ZFP14: variants seen among roughly 807,000 people sequenced by gnomAD.
ZFP14 encodes the protein ZFP14 zinc finger protein, also known as zinc finger protein 14 homolog.
A neutral mutation model predicts 54.5 loss-of-function variants in ZFP14; 22 were observed. The observed-to-expected ratio is 0.40, with a 90% CI of 0.29 to 0.58. The LOEUF is 0.58. Among genes scored for constraint, ZFP14 ranks in the 20% least tolerant of loss-of-function variants. ZFP14 has a pLI of 0.39. For synonymous variants in ZFP14, 159 were observed against 204.0 expected, an observed-to-expected ratio of 0.78 and a Z score of 1.88; for missense variants, 470 against 637.8, an observed-to-expected ratio of 0.74 and a Z score of 2.83.
chr19:36,366,015 A>T (rs1309765252), intron 2 of ZFP14, among the ~76,000 whole-genome samples: 2 of 151,274 alleles, frequency 1.3e-5, no homozygotes, highest in Non-Finnish European at 2.9e-5. Flanking sequence ...CTGTAATCTC[A>T]GCACTTTGGG....
At chr19:36,351,480 C>A (rs2031524421) in intron 4 of ZFP14, among the ~76,000 whole-genome samples, 1 of 136,928 alleles carries the variant, frequency 7.3e-6, no homozygotes, top group Admixed American at 7.5e-5. Flanking sequence ...GCCTAGGCAA[C>A]AGAGCAAGAC....
intron 4 of ZFP14, among the ~76,000 whole-genome samples, chr19:36,352,975 G>A (rs2031555305): frequency 7.2e-6 from 1 of 139,706 alleles, no homozygotes; most frequent in Non-Finnish European, 1.6e-5. Flanking sequence ...GTGTGGTGGT[G>A]CGCACCTGTA....
chr19:36,365,545 T>G (rs2031781110), intron 2 of ZFP14, among the ~76,000 whole-genome samples: 1 of 152,134 alleles, frequency 6.6e-6, no homozygotes. Flanking sequence ...GGTACACACA[T>G]GCCCTTGAAT....
Position 36,355,518 on chromosome 19 carries a change from A to T in ZFP14, c.235+4917T>A, listed in dbSNP as rs533967712. Among the ~76,000 whole-genome samples, 38 of 133,712 alleles carry T rather than the reference A, an allele frequency of 2.8e-4. 4 individuals carry two copies. The highest frequency in any genetic ancestry group is 2.4e-3 in the East Asian group (11 of 4,592). The allele number at this position is 133,712 out of a possible 152,430, so 87.7% of individuals were successfully genotyped here. On this transcript the variant is annotated intron_variant, in intron 4 of 4. Coordinates refer to ENST00000270001, the MANE Select transcript of ZFP14 (RefSeq NM_020917.3). Reference sequence around the variant, plus strand: ...TACAGGGAGATCTCTGTCTCTATAAATTTTTTTTTTTTTAAATAGCTAAGT... The same window carrying T: ...TACAGGGAGATCTCTGTCTCTATAATTTTTTTTTTTTTTAAATAGCTAAGT...
At chr19:36,366,140 C>T (rs552447819) in intron 2 of ZFP14, among the ~76,000 whole-genome samples, 6 of 151,670 alleles carry the variant, frequency 4.0e-5, no homozygotes, top group East Asian at 2.0e-4. Context: ...TGGTGGTGGG[C>T]GCCTGTAACT....
chr19:36,346,510 T>C (rs1160814246), intron 4 of ZFP14, among the ~76,000 whole-genome samples: 2 of 152,082 alleles, frequency 1.3e-5, no homozygotes, highest in Admixed American at 6.6e-5. Context: ...GGCTGGAGTG[T>C]AGTGTGGCGC....
At chr19:36,365,959 C>CAAAA (rs57704508) in intron 2 of ZFP14, among the ~76,000 whole-genome samples, 2 of 136,926 alleles carry the variant, frequency 1.5e-5, no homozygotes. Context: ...GACCTTCTGT[C>CAAAA]AAAAAAAAAA....
intron 4 of ZFP14, among the ~76,000 whole-genome samples, chr19:36,348,710 G>A (rs1164621341): frequency 9.2e-5 from 14 of 152,084 alleles, no homozygotes; most frequent in Admixed American, 9.2e-4. Flanking sequence ...TAGCCAGGCT[G>A]GTCTTGAACT....
rs1408321542 is a variant in ZFP14 at position 36,340,285 on chromosome 19, T to C, written c.1541A>G (p.Lys514Arg). 3.7e-6 allele frequency: 6 copies of C among 1,613,618 alleles called. No homozygotes were observed. The highest frequency in any genetic ancestry group is 3.3e-5 in the Admixed American group (2 of 59,940). Residue 514 changes from lysine (K) to arginine (R), a missense_variant, in exon 5 of 5, where the codon AAG becomes AGG. Transcript: ENST00000270001. This position sits in a 1 kb window ranked among gnomAD's most constrained non-coding sequence, Gnocchi z 5.4. ...GEKPYKCKEC[K>R]KAFRQHSHLT... ...GTGTGAATGCTGTCTAAAGGCCTTC[T>C]TACACTCCTTACACTTGTAGGGCTT...
rs961388297 is a variant in ZFP14, at chr19:36,335,707, T to G, written c.*4517A>C. 2 of 152,170 alleles carry G rather than the reference T, an allele frequency of 1.3e-5. No homozygotes were observed. Among genetic ancestry groups the G allele is most frequent in the African/African-American group, 4.8e-5 (2 of 41,454 alleles). 9.4% of individuals were successfully genotyped at this position (152,170 alleles called of 1,614,324 possible). On this transcript the variant is annotated 3_prime_UTR_variant, in exon 5 of 5. Coordinates refer to ENST00000270001, the MANE Select transcript of ZFP14 (RefSeq NM_020917.3). ...GTACTGGAATGAATATACACGTTTGTGCATGTGTGCATGTATAGTTTTACC... is the reference window on the plus strand; with the variant it reads ...GTACTGGAATGAATATACACGTTTGGGCATGTGTGCATGTATAGTTTTACC...
Position 36,341,417 on chromosome 19 carries a change from C to G in ZFP14, c.409G>C (p.Glu137Gln). Reference sequence around the variant, plus strand: ...ATTTTCACTTGCCCAAAATATCCCTCTTGTTGTTCCTTTTCCCCCTCAATC... The same window carrying G: ...ATTTTCACTTGCCCAAAATATCCCTGTTGTTGTTCCTTTTCCCCCTCAATC... ...SKIEGEKEQQ[E>Q]GYFGQVKITS... The change falls in exon 5 of 5, where the codon GAG becomes CAG. Residue 137 changes from glutamate (E) to glutamine (Q), a missense_variant. Coordinates refer to ENST00000270001, the MANE Select transcript of ZFP14 (RefSeq NM_020917.3). This position sits in a 1 kb window ranked among gnomAD's most constrained non-coding sequence, Gnocchi z 4.2. The G allele has an allele frequency of 6.2e-7, 1 of 1,614,132 alleles. No individual in the cohort carries two copies. The highest frequency in any genetic ancestry group is 1.1e-5 in the South Asian group (1 of 91,048).
chr19:36,345,033 G>T (rs1431418682), intron 4 of ZFP14, among the ~76,000 whole-genome samples: 1 of 152,114 alleles, frequency 6.6e-6, no homozygotes, highest in Non-Finnish European at 1.5e-5. Context: ...GAGGCCGAGG[G>T]GGCAGATCAC....
rs1166164869 is a variant in ZFP14 at position 36,353,197 on chromosome 19, G to A, written c.235+7238C>T. ...GGCTGTTGCAGTACAAGCACAGTAA[G>A]GGAAGTATTCAGAGAAGAGCAGCCC... On this transcript the variant is annotated intron_variant, in intron 4 of 4. Transcript: ENST00000270001. Among the ~76,000 whole-genome samples, 3 of 142,924 alleles carry A rather than the reference G, an allele frequency of 2.1e-5. 1 individual carries two copies. In the East Asian group the frequency reaches 6.2e-4, roughly 29 times the overall value. The allele number at this position is 142,924 out of a possible 152,430, so 93.8% of individuals were successfully genotyped here. A position where few individuals can be genotyped will look rare whatever the true frequency, so the allele number is the denominator to read the frequency against.
chr19:36,359,338 C>T (rs1414956242), intron 4 of ZFP14, among the ~76,000 whole-genome samples: 1 of 151,630 alleles, frequency 6.6e-6, no homozygotes, highest in Non-Finnish European at 1.5e-5. Context: ...TAATGTCTTT[C>T]TTGGGTTATG....
chr19:36,341,662 A>G lies in ZFP14; in HGVS notation c.236-72T>C. 7.0e-7 allele frequency: 1 copy of G among 1,427,260 alleles called. No homozygotes were observed. Among genetic ancestry groups the G allele is most frequent in the East Asian group, 2.4e-5 (1 of 42,254 alleles). The allele number at this position is 1,427,260 out of a possible 1,614,324, so 88.4% of individuals were successfully genotyped here. A position where few individuals can be genotyped will look rare whatever the true frequency, so the allele number is the denominator to read the frequency against. On this transcript the variant is annotated intron_variant, in intron 4 of 4. Transcript: ENST00000270001. This position sits in a 1 kb window ranked among gnomAD's most constrained non-coding sequence, Gnocchi z 4.2. ...AAAGAAAAAACAAACAAACAAAAAA[A>G]CCACTTCTATAGAGAAAAGGCACCT...
intron 2 of ZFP14, among the ~76,000 whole-genome samples, chr19:36,362,593 G>A (rs534232802): frequency 3.2e-4 from 49 of 152,166 alleles, no homozygotes; most frequent in African/African-American, 1.2e-3. Context: ...AGGTCTTGAG[G>A]CCAGGTGCAG....
rs11878842 is a variant in ZFP14, at chr19:36,354,775, G to A, written c.235+5660C>T. Among the ~76,000 whole-genome samples, 7 of 142,744 alleles carry A rather than the reference G, an allele frequency of 4.9e-5. 2 individuals are homozygous for A. Among genetic ancestry groups the A allele is most frequent in the South Asian group, 2.2e-4 (1 of 4,482 alleles). The allele number at this position is 142,744 out of a possible 152,430, so 93.6% of individuals were successfully genotyped here. A position where few individuals can be genotyped will look rare whatever the true frequency, so the allele number is the denominator to read the frequency against. ...CAACCTCCACCTCCCAGGTTCAAGC[G>A]ATACTTCTGCCTTAGCCTCCTGAGT... On this transcript the variant is annotated intron_variant, in intron 4 of 4. Transcript: ENST00000270001.
At chr19:36,375,982 C>T (rs1172430780) in intron 1 of ZFP14, among the ~76,000 whole-genome samples, 1 of 151,902 alleles carries the variant, frequency 6.6e-6, no homozygotes, top group African/African-American at 2.4e-5. Flanking sequence ...CATGAGCCAC[C>T]GCGCCCGGCC....
chr19:36,340,601 A>C lies in ZFP14; in HGVS notation c.1225T>G (p.Ser409Ala), dbSNP rs1275774562. Reference protein sequence around the residue: ...MECWKTFSSYSQLISHQSIHI... With the variant: ...MECWKTFSSYAQLISHQSIHI... ...ATGCTCTGGTGTGAAATAAGCTGTG[A>C]GTAACTACTAAAGGTCTTCCAACAT... Residue 409 changes from serine (S) to alanine (A), a missense_variant, in exon 5 of 5, where the codon TCA becomes GCA. Physicochemically the swap from Ser to Ala is moderately conservative, Grantham distance 99. Coordinates refer to ENST00000270001, the MANE Select transcript of ZFP14 (RefSeq NM_020917.3). This position sits in a 1 kb window ranked among gnomAD's most constrained non-coding sequence, Gnocchi z 5.4. 1 of 1,613,962 alleles carries C rather than the reference A, an allele frequency of 6.2e-7. No individual in the cohort carries two copies. The highest frequency in any genetic ancestry group is 1.7e-5 in the Admixed American group (1 of 60,010).
Sources: gnomAD v4.1 joint callset for allele counts (sites outside exome capture counted in the v4.1 genomes callset) on GRCh38, gnomAD v4.1.1 for gene constraint, Gnocchi (gnomAD v3.1) non-coding constraint, MANE v1.5 for transcripts, NCBI Gene and HGNC (gene_info 2026-07-23, HGNC 2026-07-21) for gene names.